Variants in PRKG1 observed in about 807,000 individuals in gnomAD.
PRKG1 encodes the protein protein kinase cGMP-dependent 1.
Under a neutral mutation model 88.1 loss-of-function variants are expected in PRKG1, and 35 were observed. The observed-to-expected ratio is 0.40, with a 90% CI of 0.30 to 0.53. PRKG1 has a LOEUF of 0.53. Ranked by LOEUF, PRKG1 falls within the 20% of genes least tolerant of loss-of-function variation. The pLI is 0.59. For synonymous variants in PRKG1, 303 were observed against 292.5 expected, an observed-to-expected ratio of 1.04 and a Z score of -0.37; for missense variants, 540 against 839.8, an observed-to-expected ratio of 0.64 and a Z score of 4.41.
At chr10:51,455,372 A>G (rs1388237137) in intron 2 of PRKG1, among the ~76,000 whole-genome samples, 1 of 152,238 alleles carries the variant, frequency 6.6e-6, no homozygotes, top group African/African-American at 2.4e-5. Flanking sequence ...TTGGTGATTA[A>G]CATTTGGCTC....
At chr10:51,517,968 G>T (rs1841632899) in intron 3 of PRKG1, among the ~76,000 whole-genome samples, 1 of 152,228 alleles carries the variant, frequency 6.6e-6, no homozygotes, top group African/African-American at 2.4e-5. Flanking sequence ...TCTGGCATGT[G>T]TGCAAGGGTT....
intron 3 of PRKG1, among the ~76,000 whole-genome samples, chr10:51,694,343 C>T (rs1366308761): frequency 6.6e-6 from 1 of 152,196 alleles, no homozygotes; most frequent in Non-Finnish European, 1.5e-5. Context: ...CTCTGCAAGC[C>T]GTGATTACGT....
intron 2 of PRKG1, among the ~76,000 whole-genome samples, chr10:51,415,410 T>G (rs1476670102): frequency 6.6e-6 from 1 of 152,196 alleles, no homozygotes; most frequent in East Asian, 1.9e-4. Flanking sequence ...TTGGTATCTT[T>G]GCTGTTTCTG....
chr10:51,979,978 C>T (rs1310602520), intron 5 of PRKG1, among the ~76,000 whole-genome samples: 1 of 152,036 alleles, frequency 6.6e-6, no homozygotes, highest in Non-Finnish European at 1.5e-5. Flanking sequence ...TCCCAGTCTC[C>T]ATCAATTCAG....
intron 2 of PRKG1, among the ~76,000 whole-genome samples, chr10:51,393,475 C>G (rs1837496202): frequency 6.6e-6 from 1 of 152,192 alleles, no homozygotes; most frequent in African/African-American, 2.4e-5. Flanking sequence ...CGGGCAGCTA[C>G]ATGATGAATT....
intron 7 of PRKG1, among the ~76,000 whole-genome samples, chr10:52,064,891 A>T (rs1361901330): frequency 6.6e-5 from 10 of 152,166 alleles, no homozygotes; most frequent in Non-Finnish European, 1.5e-4. Context: ...CAAGGCAGTG[A>T]AGTATTTCCA....
chr10:51,143,486 G>C (rs1425407406), intron 1 of PRKG1, among the ~76,000 whole-genome samples: 2 of 151,904 alleles, frequency 1.3e-5, no homozygotes, highest in Non-Finnish European at 1.5e-5. Context: ...GTTTACTTTG[G>C]GTATATACCC....
chr10:51,398,851 G>C (rs1437414195), intron 2 of PRKG1, among the ~76,000 whole-genome samples: 1 of 152,172 alleles, frequency 6.6e-6, no homozygotes, highest in Non-Finnish European at 1.5e-5. Context: ...TGTTCCTGAA[G>C]ACCTGGAGCT....
At chr10:51,611,818 G>C (rs1427126962) in intron 3 of PRKG1, among the ~76,000 whole-genome samples, 3 of 152,044 alleles carry the variant, frequency 2.0e-5, no homozygotes, top group African/African-American at 4.8e-5. Flanking sequence ...TTTGTACACA[G>C]TGAGAGATAG....
At chr10:51,268,848 C>A (rs777852986) in intron 2 of PRKG1, among the ~76,000 whole-genome samples, 1 of 152,128 alleles carries the variant, frequency 6.6e-6, no homozygotes, top group Non-Finnish European at 1.5e-5. Context: ...AATTTATGTT[C>A]AGAGATTCAG....
intron 1 of PRKG1, among the ~76,000 whole-genome samples, chr10:51,088,862 T>G (rs1564595607): frequency 6.6e-6 from 1 of 151,826 alleles, no homozygotes; most frequent in Admixed American, 6.6e-5. Context: ...TCTTCATGTT[T>G]CTGGCCCTTA....
At position 51,606,512 on chromosome 10, in the gene PRKG1, A is replaced by C. The variant is rs546107980; in HGVS notation, c.592+138676A>C. On this transcript the variant is annotated intron_variant, in intron 3 of 17. Transcript: ENST00000373980. ...TTCCAATTGAAGACAGAGTAATTAT[A>C]CATGTCATATCCAGTAAAGAATTAA... 7.1e-4 allele frequency among the ~76,000 whole-genome samples: 108 copies of C among 152,330 alleles called. 2 individuals are homozygous for C. The South Asian group carries it at 0.021, about 30-fold the overall frequency.
chr10:52,085,903 T>C (rs1467274729), intron 7 of PRKG1, among the ~76,000 whole-genome samples: 1 of 152,182 alleles, frequency 6.6e-6, no homozygotes, highest in African/African-American at 2.4e-5. Flanking sequence ...GTGACATGCA[T>C]AGCAGCCCAA....
chr10:52,129,875 T>G (rs1837209316), intron 7 of PRKG1, among the ~76,000 whole-genome samples: 1 of 152,176 alleles, frequency 6.6e-6, no homozygotes, highest in African/African-American at 2.4e-5. Context: ...TTCAACATTT[T>G]AATGAATGTT....
rs145205623 is a variant in PRKG1 at position 51,172,322 on chromosome 10, G to C, written c.478+18992G>C. On this transcript the variant is annotated intron_variant, in intron 2 of 17. Coordinates refer to ENST00000373980, the MANE Select transcript of PRKG1 (RefSeq NM_006258.4). ...TCGGGTTTAACATTTTTAAACAAAA[G>C]GGGCATAAGCTATATAACATTTAAG... 6.7e-3 allele frequency among the ~76,000 whole-genome samples: 1,023 copies of C among 151,998 alleles called. 10 individuals are homozygous for C. Among genetic ancestry groups the C allele is most frequent in the Non-Finnish European group, 0.01 (708 of 67,896 alleles).
chr10:51,754,807 C>T (rs766024569), intron 3 of PRKG1, among the ~76,000 whole-genome samples: 1 of 152,110 alleles, frequency 6.6e-6, no homozygotes, highest in Non-Finnish European at 1.5e-5. Flanking sequence ...TTAAATACTG[C>T]AAGCATAAGT....
chr10:51,430,429 A>G (rs1455371424), intron 2 of PRKG1, among the ~76,000 whole-genome samples: 4 of 152,104 alleles, frequency 2.6e-5, no homozygotes, highest in African/African-American at 9.7e-5. Flanking sequence ...TCAAAACACA[A>G]AACAAAACAA....
chr10:51,423,428 C>A (rs907247384), intron 2 of PRKG1, among the ~76,000 whole-genome samples: 5 of 152,022 alleles, frequency 3.3e-5, no homozygotes, highest in African/African-American at 1.2e-4. Context: ...CCTCCTTTTT[C>A]CAAAAATAGG....
intron 2 of PRKG1, among the ~76,000 whole-genome samples, chr10:51,274,332 A>G (rs1214784971): frequency 1.3e-5 from 2 of 152,168 alleles, no homozygotes; most frequent in Non-Finnish European, 2.9e-5. Flanking sequence ...ATATCACCTT[A>G]TAACTTTCAT....
Sources: gnomAD v4.1 joint callset for allele counts (sites outside exome capture counted in the v4.1 genomes callset) on GRCh38, gnomAD v4.1.1 for gene constraint, MANE v1.5 for transcripts, NCBI Gene and HGNC (gene_info 2026-07-23, HGNC 2026-07-21) for gene names.